Variants in TTC7B observed in about 807,000 individuals in gnomAD.
TTC7B encodes the protein tetratricopeptide repeat domain 7B.
In TTC7B, 28 loss-of-function variants were observed where a neutral mutation model predicts 106.8. That is an observed-to-expected ratio of 0.26 (90% CI 0.19 to 0.36). The LOEUF (loss-of-function observed/expected upper bound fraction) is 0.36. Ranked by LOEUF, TTC7B falls within the 10% of genes least tolerant of loss-of-function variation. TTC7B has a pLI of 1.00. For missense variants in TTC7B, 862 were observed against 1,076.4 expected (o/e 0.80, Z 2.79); for synonymous variants, 405 against 430.6 (o/e 0.94, Z 0.74).
At chr14:90,607,770 T>C (rs571494820) in intron 17 of TTC7B, among the ~76,000 whole-genome samples, 5 of 152,350 alleles carry the variant, frequency 3.3e-5, no homozygotes, top group Non-Finnish European at 5.9e-5. Flanking sequence ...CAGATGGGTA[T>C]GGAGGCATCT....
At chr14:90,561,912 G>A (rs983609106) in intron 19 of TTC7B, among the ~76,000 whole-genome samples, 3 of 152,294 alleles carry the variant, frequency 2.0e-5, no homozygotes, top group East Asian at 1.9e-4. Context: ...CTGAAAAAAC[G>A]TATGAACATC....
chr14:90,595,323 ACT>A lies in TTC7B; in HGVS notation c.1967-1699_1967-1698del, dbSNP rs200911833. Among the ~76,000 whole-genome samples the A allele has an allele frequency of 6.1e-3, 929 of 152,026 alleles. 6 individuals are homozygous for A. Among genetic ancestry groups the A allele is most frequent in the African/African-American group, 0.022 (896 of 41,450 alleles). ...ACTCCAGCCTGGGTGACAGAGTGAG[ACT>A]CTGTCTCAAAAAAATAAATAAATGC... On this transcript the variant is annotated intron_variant, in intron 17 of 19. Coordinates refer to ENST00000328459, the MANE Select transcript of TTC7B (RefSeq NM_001010854.2).
chr14:90,661,627 A>G (rs2139905530), intron 9 of TTC7B, among the ~76,000 whole-genome samples: 1 of 152,312 alleles, frequency 6.6e-6, no homozygotes, highest in East Asian at 1.9e-4. Context: ...GAGATGGTAG[A>G]TAATCAAAAA....
chr14:90,669,300 G>A (rs561398953), intron 9 of TTC7B, among the ~76,000 whole-genome samples: 29 of 152,230 alleles, frequency 1.9e-4, no homozygotes, highest in African/African-American at 6.7e-4. Flanking sequence ...CCTTGGATTT[G>A]GCAATGGATT....
At chr14:90,796,338 T>A (rs969285879) in intron 1 of TTC7B, among the ~76,000 whole-genome samples, 1 of 152,142 alleles carries the variant, frequency 6.6e-6, no homozygotes, top group Non-Finnish European at 1.5e-5. Context: ...TATATAGGGA[T>A]AAAGCCTGAA....
In TTC7B at chr14:90,737,550, T is replaced by G. The variant is rs111459348; in HGVS notation, c.576+7242A>C. 2.9e-5 allele frequency among the ~76,000 whole-genome samples: 3 copies of G among 104,592 alleles called. No individual in the cohort carries two copies. The South Asian group carries it at 8.5e-4, about 29-fold the overall frequency. The allele number at this position is 104,592 out of a possible 152,430, so 68.6% of individuals were successfully genotyped here. ...GATCATATATTGTATGATTCTGTTT[T>G]TTTTTTTTTTTTTTTTTTTTTGAGA... On this transcript the variant is annotated intron_variant, in intron 4 of 19. Coordinates refer to ENST00000328459, the MANE Select transcript of TTC7B (RefSeq NM_001010854.2).
chr14:90,739,080 G>T (rs983637404), intron 4 of TTC7B, among the ~76,000 whole-genome samples: 3 of 152,134 alleles, frequency 2.0e-5, no homozygotes, highest in Non-Finnish European at 4.4e-5. Context: ...ATAAGCACTT[G>T]CTCTTGCCTG....
intron 19 of TTC7B, among the ~76,000 whole-genome samples, chr14:90,568,143 A>C (rs896919604): frequency 5.3e-5 from 8 of 152,178 alleles, no homozygotes; most frequent in Non-Finnish European, 1.5e-5. Flanking sequence ...CTGAGTTCAG[A>C]GGCAGGCGGT....
intron 6 of TTC7B, among the ~76,000 whole-genome samples, chr14:90,693,420 T>G (rs1314441265): frequency 6.6e-6 from 1 of 152,164 alleles, no homozygotes; most frequent in Non-Finnish European, 1.5e-5. Flanking sequence ...AGTTTTATAG[T>G]CAATATAATT....
At chr14:90,728,121 G>C (rs1396933812) in intron 5 of TTC7B, among the ~76,000 whole-genome samples, 3 of 152,030 alleles carry the variant, frequency 2.0e-5, no homozygotes, top group Non-Finnish European at 4.4e-5. Context: ...CCTCCTAAAA[G>C]TAATTCCTCA....
rs528282816 is a variant in TTC7B at position 90,532,293 on chromosome 14, A to G, written c.*9075T>C. On this transcript the variant is annotated 3_prime_UTR_variant, in exon 20 of 20. Transcript: ENST00000328459. ...CCTTTGGACAACATATTAAAGAAAG[A>G]AACTCTGGAGATAATTTAAAGTTGA... 1 of 152,262 alleles carries G rather than the reference A, an allele frequency of 6.6e-6. No homozygotes were observed. The highest frequency in any genetic ancestry group is 2.4e-5 in the African/African-American group (1 of 41,478). 9.4% of individuals were successfully genotyped at this position (152,262 alleles called of 1,614,324 possible). A position where few individuals can be genotyped will look rare whatever the true frequency, so the allele number is the denominator to read the frequency against.
intron 9 of TTC7B, among the ~76,000 whole-genome samples, chr14:90,662,454 G>A (rs1225087681): frequency 6.6e-6 from 1 of 152,208 alleles, no homozygotes; most frequent in Non-Finnish European, 1.5e-5. Flanking sequence ...AGGCCCCGAA[G>A]GTACGCCCAT....
intron 1 of TTC7B, among the ~76,000 whole-genome samples, chr14:90,804,151 C>T (rs576730115): frequency 3.4e-4 from 51 of 152,040 alleles, no homozygotes; most frequent in African/African-American, 5.8e-4. Context: ...CTGGCTAACA[C>T]GGTGAAACCC....
At chr14:90,698,757 G>A (rs1749698) in intron 5 of TTC7B, 104,927 of 156,380 alleles carry the variant, frequency 0.67, 35,595 homozygotes, top group East Asian at 0.92. Flanking sequence ...CAGGTCCCCG[G>A]AGCACCAGCT....
Position 90,705,564 on chromosome 14 carries a change from C to T in TTC7B, c.699-9986G>A, listed in dbSNP as rs111983354. On this transcript the variant is annotated intron_variant, in intron 5 of 19. Transcript: ENST00000328459. ...CTCAATTCTTTCTTAATATTTTATTCGATAAAATATAGATACCGAAAGCCA... is the reference window on the plus strand; with the variant it reads ...CTCAATTCTTTCTTAATATTTTATTTGATAAAATATAGATACCGAAAGCCA... Among the ~76,000 whole-genome samples the T allele has an allele frequency of 1.9e-3, 287 of 152,018 alleles. 1 individual carries two copies. The highest frequency in any genetic ancestry group is 6.0e-3 in the African/African-American group (248 of 41,424).
chr14:90,738,514 G>A (rs1301298706), intron 4 of TTC7B, among the ~76,000 whole-genome samples: 1 of 152,076 alleles, frequency 6.6e-6, no homozygotes, highest in Non-Finnish European at 1.5e-5. Flanking sequence ...GGCTTAGGCA[G>A]GAGAATCACT....
chr14:90,603,367 TAAGACTAAAA>T (rs562560910), intron 17 of TTC7B: 1 of 1,168,480 alleles, frequency 8.6e-7, no homozygotes, highest in Non-Finnish European at 1.1e-6. Context: ...AAATCAAAAT[TAAGACTAAAA>T]AAGCGAACAG....
At chr14:90,620,860 A>C (rs1002934920) in intron 15 of TTC7B, among the ~76,000 whole-genome samples, 58 of 152,202 alleles carry the variant, frequency 3.8e-4, no homozygotes, top group African/African-American at 1.3e-3. Flanking sequence ...GCTTTCAAAC[A>C]CTTGACTCAG....
intron 3 of TTC7B, among the ~76,000 whole-genome samples, chr14:90,764,766 T>G (rs1890617817): frequency 6.6e-6 from 1 of 152,108 alleles, no homozygotes; most frequent in Non-Finnish European, 1.5e-5. Context: ...TGAGATACCA[T>G]TTCATACACT....
Sources: allele counts gnomAD v4.1 joint callset (sites outside exome capture counted in the v4.1 genomes callset), GRCh38; gene constraint gnomAD v4.1.1; transcripts MANE v1.5; gene names NCBI Gene and HGNC (gene_info 2026-07-23, HGNC 2026-07-21).